The following UGGT2 variants were observed in gnomAD, a reference collection of about 807,000 sequenced individuals.
The protein encoded by UGGT2 is UDP-glucose:glycoprotein glucosyltransferase 2.
Under a neutral mutation model 192.1 loss-of-function variants are expected in UGGT2, and 180 were observed. The ratio of observed to expected loss-of-function variants is 0.94; its 90% CI spans 0.83 to 1.06. The LOEUF (loss-of-function observed/expected upper bound fraction) is 1.06, where lower values mean the gene tolerates loss of function less well. UGGT2 is among the 50% of genes least tolerant of loss of function. The pLI, the probability that UGGT2 is intolerant of heterozygous loss-of-function variation, is 0.00. For synonymous variants in UGGT2, 580 were observed against 591.0 expected (o/e 0.98, Z 0.27); for missense variants, 1,849 against 1,795.7 (o/e 1.03, Z -0.54).
chr13:95,881,713 CTT>C (rs949301131), intron 27 of UGGT2, among the ~76,000 whole-genome samples: 1 of 152,144 alleles, frequency 6.6e-6, no homozygotes, highest in African/African-American at 2.4e-5. Context: ...TTTATTGCAT[CTT>C]CTCTTGCCTT....
chr13:95,905,480 G>A lies in UGGT2; in HGVS notation c.2296-2420C>T, dbSNP rs2048257159. ...TCTTCAATTGATTTTTGTATAAGGT[G>A]TAAGGAAGGGATCCAGTTTCAGCTT... is the stretch of plus-strand genomic sequence containing the variant. On this transcript the variant is annotated intron_variant, in intron 20 of 38. Transcript: ENST00000376747. Among the ~76,000 whole-genome samples the A allele has an allele frequency of 2.0e-5, 3 of 151,942 alleles. No homozygotes were observed. The South Asian group carries it at 6.2e-4, about 32-fold the overall frequency.
chr13:95,947,243 G>A (rs2049902968), intron 14 of UGGT2, 71 bp from the exon 15 acceptor site: 6 of 1,349,776 alleles, frequency 4.4e-6, no homozygotes, highest in Admixed American at 2.5e-5. Context: ...ATTTAGAAAC[G>A]TTATTAGACT....
At chr13:95,856,569 A>AG (rs1889640100) in intron 33 of UGGT2, 1 of 498,732 alleles carries the variant, frequency 2.0e-6, no homozygotes, top group African/African-American at 2.0e-5. Context: ...GTCATTAAAA[A>AG]TAAGTGCACT....
At chr13:95,922,782 C>T (rs1347250296) in intron 20 of UGGT2, among the ~76,000 whole-genome samples, 1 of 152,086 alleles carries the variant, frequency 6.6e-6, no homozygotes, top group Non-Finnish European at 1.5e-5. Context: ...GAGATCACAC[C>T]ATTGTACTCC....
chr13:96,013,401 T>G lies in UGGT2; in HGVS notation c.566A>C (p.Glu189Ala). 3 of 1,608,096 alleles carry G rather than the reference T, an allele frequency of 1.9e-6. No individual in the cohort carries two copies. Among genetic ancestry groups the G allele is most frequent in the Non-Finnish European group, 2.5e-6 (3 of 1,178,536 alleles). ...ENLPVVILYA[E>A]MGTRTFSAFH... is the part of the protein sequence containing the mutation. The stretch of plus-strand genomic sequence containing the variant: ...TGCACTAAATGTTCTAGTACCCATT[T>G]CGGCATAGAGAATCACCACTGGTAA... The change falls in exon 5 of 39, where the codon GAA (glutamate) becomes GCA (alanine). Residue 189 changes from glutamate to alanine, a missense_variant. Glu to Ala is a moderately radical substitution (Grantham distance 107, BLOSUM62 -1). Transcript: ENST00000376747.
intron 36 of UGGT2, among the ~76,000 whole-genome samples, chr13:95,843,142 T>C (rs1888038058): frequency 6.6e-6 from 1 of 152,252 alleles, no homozygotes; most frequent in African/African-American, 2.4e-5. Context: ...CCCTGAAGTA[T>C]AATGACTAAT....
At chr13:95,950,642 G>C (rs2050031471) in intron 12 of UGGT2, among the ~76,000 whole-genome samples, 1 of 147,724 alleles carries the variant, frequency 6.8e-6, no homozygotes, top group Non-Finnish European at 1.5e-5. Flanking sequence ...CTTAGACAAG[G>C]ACTTTAAAAT....
At chr13:96,044,308 C>G (rs956147984) in intron 1 of UGGT2, among the ~76,000 whole-genome samples, 1 of 152,020 alleles carries the variant, frequency 6.6e-6, no homozygotes, top group African/African-American at 2.4e-5. Context: ...GTTTTTGAAC[C>G]GAACAACAAC....
At chr13:95,899,782 C>T (rs1223704792) in intron 22 of UGGT2, among the ~76,000 whole-genome samples, 4 of 152,070 alleles carry the variant, frequency 2.6e-5, no homozygotes, top group Non-Finnish European at 4.4e-5. Context: ...TTACAGAGCT[C>T]TACATATCTC....
chr13:95,971,496 TA>T (rs1188563351), intron 11 of UGGT2, among the ~76,000 whole-genome samples: 1 of 152,148 alleles, frequency 6.6e-6, no homozygotes, highest in Admixed American at 6.6e-5. Context: ...TGGGGGGTTT[TA>T]TTTTTTTAAT....
Position 95,939,959 on chromosome 13 carries a change from T to C in UGGT2, c.1810A>G (p.Lys604Glu). Residue 604 changes from lysine (K) to glutamate (E), a missense_variant and splice_region_variant, in exon 16 of 39, where the codon AAG becomes GAG. Coordinates refer to ENST00000376747, the MANE Select transcript of UGGT2 (RefSeq NM_020121.4). ...CTTAACATAATGTCCCAACTTACCT[T>C]TCTTTCTTCATCATATTTAGAATGA... ...GIHSKYDEER[K>E]AGASFYKMTG... 1 of 1,596,960 alleles carries C rather than the reference T, an allele frequency of 6.3e-7. No homozygotes were observed. Among genetic ancestry groups the C allele is most frequent in the South Asian group, 1.1e-5 (1 of 88,120 alleles).
chr13:95,913,481 T>C (rs2048572941), intron 20 of UGGT2, among the ~76,000 whole-genome samples: 1 of 152,054 alleles, frequency 6.6e-6, no homozygotes, highest in Admixed American at 6.5e-5. Context: ...AACAGACACA[T>C]GGAAAAATGC....
In UGGT2 at chr13:96,023,618, T is replaced by A. The variant is rs1246555057; in HGVS notation, c.372+11A>T. On this transcript the variant is annotated intron_variant, in intron 3 of 38. Coordinates refer to ENST00000376747, the MANE Select transcript of UGGT2 (RefSeq NM_020121.4). ...CTCTTTGTCAAATACAGATTGGGTATTTTTACGCACCTGCTGAAACATCTG... is the reference window on the plus strand; with the variant it reads ...CTCTTTGTCAAATACAGATTGGGTAATTTTACGCACCTGCTGAAACATCTG... The A allele has an allele frequency of 1.2e-6, 2 of 1,601,740 alleles. No homozygotes were observed. The highest frequency in any genetic ancestry group is 1.7e-5 in the Admixed American group (1 of 58,648).
At chr13:95,992,855 A>G (rs1055593155) in intron 7 of UGGT2, among the ~76,000 whole-genome samples, 2 of 152,228 alleles carry the variant, frequency 1.3e-5, no homozygotes, top group African/African-American at 4.8e-5. Flanking sequence ...CACTGCAAAA[A>G]GCAGTTTGGA....
At chr13:95,834,265 A>G (rs1887040432) in intron 37 of UGGT2, among the ~76,000 whole-genome samples, 1 of 151,934 alleles carries the variant, frequency 6.6e-6, no homozygotes, top group Non-Finnish European at 1.5e-5. Flanking sequence ...ACACTCTATA[A>G]GCTTTATTAG....
chr13:95,825,508 A>C (rs1486532753), intron 38 of UGGT2, among the ~76,000 whole-genome samples: 1 of 152,098 alleles, frequency 6.6e-6, no homozygotes, highest in African/African-American at 2.4e-5. Context: ...AGGCATGTTG[A>C]TGTTCTAAGG....
intron 1 of UGGT2, 43 bp downstream of exon 1, chr13:96,053,112 G>C: frequency 2.8e-6 from 4 of 1,429,860 alleles, no homozygotes; most frequent in Non-Finnish European, 3.6e-6. Context: ...GAGGGTGGCA[G>C]CGCGCCCACA....
At chr13:96,028,759 G>GT (rs994222372) in intron 2 of UGGT2, among the ~76,000 whole-genome samples, 3 of 152,088 alleles carry the variant, frequency 2.0e-5, no homozygotes, top group African/African-American at 7.2e-5. Flanking sequence ...TATTTAGAAG[G>GT]TCTCATGGAG....
chr13:95,983,922 T>C, intron 9 of UGGT2, 58 bp from the exon 10 acceptor site: 1 of 1,141,570 alleles, frequency 8.8e-7, no homozygotes. Context: ...AACTGATCTA[T>C]ATAACCCAAT....
Sources: allele counts gnomAD v4.1 joint callset (sites outside exome capture counted in the v4.1 genomes callset), GRCh38; gene constraint gnomAD v4.1.1; transcripts MANE v1.5; gene names NCBI Gene and HGNC (gene_info 2026-07-23, HGNC 2026-07-21).